Variants in ADAM9 observed in about 807,000 individuals in gnomAD.
ADAM9 encodes the protein disintegrin and metalloproteinase domain-containing protein 9.
A neutral mutation model predicts 108.1 loss-of-function variants in ADAM9; 54 were observed. The ratio of observed to expected loss-of-function variants is 0.50; its 90% CI spans 0.40 to 0.63. The LOEUF (loss-of-function observed/expected upper bound fraction) is 0.63. ADAM9 is among the 20% of genes least tolerant of loss of function. The pLI is 0.00. For missense variants in ADAM9, 830 were observed against 997.7 expected (o/e 0.83, Z 2.26); for synonymous variants, 316 against 336.0 (o/e 0.94, Z 0.65).
chr8:39,056,845 T>G (rs1283711296), intron 14 of ADAM9, among the ~76,000 whole-genome samples: 2 of 152,190 alleles, frequency 1.3e-5, no homozygotes. Context: ...CTCTTCAGTC[T>G]TGACTGGTTT....
At chr8:39,030,835 C>T (rs1478522010) in intron 11 of ADAM9, among the ~76,000 whole-genome samples, 1 of 152,126 alleles carries the variant, frequency 6.6e-6, no homozygotes, top group African/African-American at 2.4e-5. Flanking sequence ...TTTACATTTC[C>T]CTGATGACAT....
At chr8:39,003,752 A>G (rs996591524) in intron 1 of ADAM9, among the ~76,000 whole-genome samples, 4 of 152,234 alleles carry the variant, frequency 2.6e-5, no homozygotes, top group African/African-American at 9.6e-5. Flanking sequence ...CAATATCAGA[A>G]TAACAGCCCT....
At chr8:39,019,392 G>A (rs1836659871) in intron 7 of ADAM9, among the ~76,000 whole-genome samples, 1 of 152,170 alleles carries the variant, frequency 6.6e-6, no homozygotes, top group South Asian at 2.1e-4. Flanking sequence ...CCGTGTATAG[G>A]ATCACATGAG....
At position 39,025,865 on chromosome 8, in the gene ADAM9, A is replaced by G. The variant is rs1836902599; in HGVS notation, c.977A>G (p.His326Arg). 4 of 1,614,170 alleles carry G rather than the reference A, an allele frequency of 2.5e-6. No homozygotes were observed. The highest frequency in any genetic ancestry group is 3.4e-6 in the Non-Finnish European group (4 of 1,180,030). The change falls in exon 10 of 22, where the codon CAC becomes CGC. Residue 326 changes from histidine to arginine, a missense_variant. Physicochemically the swap from His to Arg is conservative, Grantham distance 29. Coordinates refer to ENST00000487273, the MANE Select transcript of ADAM9 (RefSeq NM_003816.3). ...AFVGTVCSRSHAGGINVFGQI... is the reference protein window; with the variant it reads ...AFVGTVCSRSRAGGINVFGQI... ...GTGGGAACAGTGTGTTCAAGGAGCC[A>G]CGCAGGCGGGATTAATGTGGTACGT...
chr8:39,103,807 AC>A lies in ADAM9; in HGVS notation c.*108del. ...CTTTCTGTTGCAACTATGAATGAAA[AC>A]AAAACACCACAAAACAGACTTCACT... On this transcript the variant is annotated 3_prime_UTR_variant, in exon 22 of 22. Coordinates refer to ENST00000487273, the MANE Select transcript of ADAM9 (RefSeq NM_003816.3). The A allele has an allele frequency of 1.0e-6, 1 of 966,596 alleles. No individual in the cohort carries two copies. The highest frequency in any genetic ancestry group is 1.6e-6 in the Non-Finnish European group (1 of 613,584). The allele number at this position is 966,596 out of a possible 1,614,324, so 59.9% of individuals were successfully genotyped here.
chr8:39,081,537 CAGGAGT>C (rs1198065877), intron 16 of ADAM9, among the ~76,000 whole-genome samples: 2 of 152,134 alleles, frequency 1.3e-5, no homozygotes, highest in African/African-American at 4.8e-5. Flanking sequence ...AATCTTTATT[CAGGAGT>C]AGTGCATGGC....
rs1394287089 is a variant in ADAM9, at chr8:38,998,350, G to A, written c.97+1190G>A. ...TTCTAGATGGTTAACACTCACCGAT[G>A]TTTAAGGTGAAGACGATTATACATC... On this transcript the variant is annotated intron_variant, in intron 1 of 21. Transcript: ENST00000487273. Among the ~76,000 whole-genome samples the A allele has an allele frequency of 3.3e-5, 5 of 152,326 alleles. No individual in the cohort carries two copies. In the East Asian group the frequency reaches 9.6e-4, roughly 29 times the overall value.
intron 14 of ADAM9, among the ~76,000 whole-genome samples, chr8:39,068,203 A>C (rs1838553281): frequency 6.6e-6 from 1 of 152,230 alleles, no homozygotes; most frequent in Non-Finnish European, 1.5e-5. Context: ...AATAAGAAGC[A>C]GAGAGGTCAC....
At chr8:39,068,155 T>C (rs1249400035) in intron 14 of ADAM9, among the ~76,000 whole-genome samples, 1 of 152,202 alleles carries the variant, frequency 6.6e-6, no homozygotes, top group Non-Finnish European at 1.5e-5. Flanking sequence ...TTAGCCATGT[T>C]CCTCAGCTCT....
At chr8:39,032,770 A>C (rs1335345415) in intron 11 of ADAM9, among the ~76,000 whole-genome samples, 1 of 152,238 alleles carries the variant, frequency 6.6e-6, no homozygotes, top group African/African-American at 2.4e-5. Context: ...TGGGAGCTGC[A>C]GACCGGAGCT....
At chr8:39,070,916 A>G (rs1461860801) in intron 14 of ADAM9, among the ~76,000 whole-genome samples, 7 of 152,212 alleles carry the variant, frequency 4.6e-5, no homozygotes, top group Admixed American at 1.3e-4. Flanking sequence ...GTTTTCTCCA[A>G]CCCTTCCTAG....
At chr8:39,018,447 A>G (rs1836619540) in intron 6 of ADAM9, among the ~76,000 whole-genome samples, 1 of 152,140 alleles carries the variant, frequency 6.6e-6, no homozygotes, top group African/African-American at 2.4e-5. Flanking sequence ...TCAGCATAGT[A>G]ATGGGCTTTT....
intron 3 of ADAM9, among the ~76,000 whole-genome samples, chr8:39,012,765 G>T (rs1836397633): frequency 1.3e-5 from 2 of 152,174 alleles, no homozygotes. Flanking sequence ...TTGGACACAG[G>T]AAGGGGAACA....
intron 8 of ADAM9, 103 bp downstream of exon 8, chr8:39,021,817 C>T (rs936141947): frequency 5.5e-5 from 55 of 992,490 alleles, no homozygotes; most frequent in Non-Finnish European, 8.2e-5. Context: ...TTCATAGGGC[C>T]TCAATGACTT....
In ADAM9 at chr8:39,045,090, ACATATGTGTG is replaced by A. The variant is rs1258046476; in HGVS notation, c.1302+2974_1302+2983del. 1.5e-4 allele frequency among the ~76,000 whole-genome samples: 4 copies of A among 25,982 alleles called. No individual in the cohort carries two copies. The East Asian group carries it at 0.011, about 75-fold the overall frequency. The allele number at this position is 25,982 out of a possible 152,430, so 17.0% of individuals were successfully genotyped here. A position where few individuals can be genotyped will look rare whatever the true frequency, so the allele number is the denominator to read the frequency against. Reference sequence around the variant, plus strand: ...CATACATATGTGTGTGTGCATACATACATATGTGTGTGTGCATACATACATATGTGTGTGT... The same window carrying A: ...CATACATATGTGTGTGTGCATACATATGTGCATACATACATATGTGTGTGT... On this transcript the variant is annotated intron_variant, in intron 12 of 21. Coordinates refer to ENST00000487273, the MANE Select transcript of ADAM9 (RefSeq NM_003816.3).
intron 20 of ADAM9, among the ~76,000 whole-genome samples, chr8:39,097,548 C>G (rs35391544): frequency 6.6e-6 from 1 of 151,866 alleles, no homozygotes; most frequent in African/African-American, 2.4e-5. Flanking sequence ...CCTCGTGATC[C>G]GCCCGCCCTG....
At chr8:39,054,344 T>A (rs576847457) in intron 12 of ADAM9, 137 bp from the exon 13 acceptor site, 2 of 743,560 alleles carry the variant, frequency 2.7e-6, no homozygotes, top group African/African-American at 3.5e-5. Context: ...CCAGAAACAG[T>A]AAGCAACTGT....
At chr8:39,085,110 C>T (rs1227166790) in intron 18 of ADAM9, among the ~76,000 whole-genome samples, 1 of 151,962 alleles carries the variant, frequency 6.6e-6, no homozygotes, top group Non-Finnish European at 1.5e-5. Context: ...TTGGATCTTG[C>T]TTTTTATCTA....
At chr8:39,073,504 C>G (rs988574794) in intron 15 of ADAM9, among the ~76,000 whole-genome samples, 1 of 152,148 alleles carries the variant, frequency 6.6e-6, no homozygotes, top group African/African-American at 2.4e-5. Flanking sequence ...CTGTTCCTCA[C>G]TAAACTGTAA....
Sources: allele counts gnomAD v4.1 joint callset (sites outside exome capture counted in the v4.1 genomes callset), GRCh38; gene constraint gnomAD v4.1.1; transcripts MANE v1.5; gene names NCBI Gene and HGNC (gene_info 2026-07-23, HGNC 2026-07-21).